RGPD2: variants seen among roughly 807,000 people sequenced by gnomAD.
The protein encoded by RGPD2 is RANBP2-like and GRIP domain-containing protein 2.
A neutral mutation model predicts 36.0 loss-of-function variants in RGPD2; 2 were observed. The ratio of observed to expected loss-of-function variants is 0.06; its 90% CI spans 0.02 to 0.17. RGPD2 has a LOEUF of 0.17. RGPD2 is among the 10% of genes least tolerant of loss of function. The pLI is 1.00. For missense variants in RGPD2, 40 were observed against 464.3 expected, an observed-to-expected ratio of 0.09 and a Z score of 8.40; for synonymous variants, 19 against 163.8, an observed-to-expected ratio of 0.12 and a Z score of 6.75.
At chr2:87,932,914 T>C in the RGPD2 span, among the ~76,000 whole-genome samples, 20 of 140,506 alleles carry the variant, frequency 1.4e-4, no homozygotes, top group South Asian at 1.7e-3. Context: ...TGGAGAACCA[T>C]GTGGTTATGT....
At chr2:87,886,445 G>A in the RGPD2 span, among the ~76,000 whole-genome samples, 4 of 151,492 alleles carry the variant, frequency 2.6e-5, no homozygotes, top group East Asian at 3.9e-4. Flanking sequence ...TAATCTGCAC[G>A]AGTATGTTCT....
the RGPD2 span, among the ~76,000 whole-genome samples, chr2:87,978,988 A>G: frequency 6.7e-6 from 1 of 149,930 alleles, no homozygotes; most frequent in Non-Finnish European, 1.5e-5. Flanking sequence ...TAATCTCAGC[A>G]CTTTGGGAGG....
At chr2:87,896,677 G>T in the RGPD2 span, among the ~76,000 whole-genome samples, 1 of 41,352 alleles carries the variant, frequency 2.4e-5, no homozygotes. Context: ...TCCCTTTGAA[G>T]TCATGGCAAA....
At chr2:87,861,210 G>A in the RGPD2 span, among the ~76,000 whole-genome samples, 8 of 148,508 alleles carry the variant, frequency 5.4e-5, no homozygotes, top group African/African-American at 1.5e-4. Context: ...ATAGAAATAA[G>A]GTTTCTCTTT....
chr2:87,867,641 T>C, the RGPD2 span, among the ~76,000 whole-genome samples: 1 of 152,178 alleles, frequency 6.6e-6, no homozygotes. Context: ...AAATAGGTTT[T>C]TAATTTGGTA....
intron 6 of RGPD2, among the ~76,000 whole-genome samples, chr2:87,809,985 G>A (rs1201588639): frequency 8.9e-4 from 56 of 62,752 alleles, no homozygotes; most frequent in African/African-American, 2.9e-3. Flanking sequence ...GTGACAGAGC[G>A]AGACTCTGTC....
the RGPD2 span, among the ~76,000 whole-genome samples, chr2:87,952,249 A>T: frequency 1.3e-5 from 2 of 152,168 alleles, no homozygotes; most frequent in Non-Finnish European, 2.9e-5. Flanking sequence ...TTTTTTATAC[A>T]ATTAGATATG....
chr2:87,939,294 T>C, the RGPD2 span, among the ~76,000 whole-genome samples: 6 of 152,146 alleles, frequency 3.9e-5, no homozygotes, highest in Non-Finnish European at 5.9e-5. Context: ...AAAATCATGA[T>C]ACCAAGATGT....
chr2:87,966,153 A>G, the RGPD2 span, among the ~76,000 whole-genome samples: 1 of 152,140 alleles, frequency 6.6e-6, no homozygotes, highest in African/African-American at 2.4e-5. Flanking sequence ...AGTGACTTCC[A>G]GTGTCTCCTT....
the RGPD2 span, among the ~76,000 whole-genome samples, chr2:87,972,146 C>G: frequency 1.3e-5 from 2 of 152,140 alleles, no homozygotes; most frequent in Non-Finnish European, 2.9e-5. Flanking sequence ...GTAGTTTGGT[C>G]AGCAATGAAA....
chr2:87,984,245 T>A, the RGPD2 span, among the ~76,000 whole-genome samples: 1 of 152,198 alleles, frequency 6.6e-6, no homozygotes, highest in African/African-American at 2.4e-5. Context: ...TTTTAAATGA[T>A]GCTAGTAAGA....
At chr2:87,769,407 T>TAA (rs1685053160) in intron 22 of RGPD2, among the ~76,000 whole-genome samples, 1 of 151,810 alleles carries the variant, frequency 6.6e-6, no homozygotes, top group East Asian at 1.9e-4. Context: ...AAGGGCAAAC[T>TAA]AATTTAAATG....
At chr2:87,989,459 A>G in the RGPD2 span, among the ~76,000 whole-genome samples, 1 of 152,242 alleles carries the variant, frequency 6.6e-6, no homozygotes, top group East Asian at 1.9e-4. Flanking sequence ...ACATCAATAT[A>G]CAATTCAACT....
At chr2:87,972,526 G>A in the RGPD2 span, 29,242 of 609,202 alleles carry the variant, frequency 0.048, 459 homozygotes, top group Middle Eastern at 0.096. Context: ...GGAAGCTCCG[G>A]CCGCGGAGTG....
chr2:87,839,989 T>C, the RGPD2 span, among the ~76,000 whole-genome samples: 26 of 150,912 alleles, frequency 1.7e-4, no homozygotes, highest in African/African-American at 5.1e-4. Flanking sequence ...AACTGACCAA[T>C]GAAGAAATAA....
chr2:87,957,963 G>A, the RGPD2 span, among the ~76,000 whole-genome samples: 1 of 152,240 alleles, frequency 6.6e-6, no homozygotes, highest in African/African-American at 2.4e-5. Flanking sequence ...TGAACAAATG[G>A]TTTCTTTATA....
intron 4 of RGPD2, among the ~76,000 whole-genome samples, chr2:87,813,041 C>T (rs1260942357): frequency 6.6e-6 from 1 of 151,646 alleles, no homozygotes; most frequent in African/African-American, 2.4e-5. Flanking sequence ...CACTGAGGGC[C>T]TACGTACCCT....
the RGPD2 span, among the ~76,000 whole-genome samples, chr2:87,943,567 T>C: frequency 6.6e-6 from 1 of 151,822 alleles, no homozygotes; most frequent in Non-Finnish European, 1.5e-5. Context: ...AGTTTGTAAA[T>C]ATAGTCCCTC....
intron 20 of RGPD2, among the ~76,000 whole-genome samples, chr2:87,775,727 AC>A (rs1388374779): frequency 7.0e-4 from 71 of 102,152 alleles, no homozygotes; most frequent in Non-Finnish European, 1.2e-3. Context: ...CAGGAAGATG[AC>A]AGATTCCCCC....
Sources: allele counts gnomAD v4.1 joint callset (sites outside exome capture counted in the v4.1 genomes callset), GRCh38; gene constraint gnomAD v4.1.1; transcripts MANE v1.5; gene names NCBI Gene and HGNC (gene_info 2026-07-23, HGNC 2026-07-21).